Variants in UNC13C observed in about 807,000 individuals in gnomAD.
UNC13C encodes unc-13 homolog C.
Under a neutral mutation model 245.4 loss-of-function variants are expected in UNC13C, and 174 were observed. That is an observed-to-expected ratio of 0.71 (90% CI 0.63 to 0.80). The LOEUF (loss-of-function observed/expected upper bound fraction) is 0.80, where lower values mean the gene tolerates loss of function less well. UNC13C is among the 30% of genes least tolerant of loss of function. The probability of loss-of-function intolerance (pLI) is 0.00; values close to 1 mark genes in which losing one functional copy is unlikely to be tolerated. For synonymous variants in UNC13C, 992 were observed against 895.1 expected (o/e 1.11, Z -1.93); for missense variants, 2,829 against 2,602.9 (o/e 1.09, Z -1.89).
At chr15:54,211,262 C>A (rs149757254) in intron 4 of UNC13C, among the ~76,000 whole-genome samples, 2 of 152,106 alleles carry the variant, frequency 1.3e-5, no homozygotes, top group African/African-American at 4.8e-5. Context: ...TCAAATATTT[C>A]TATAAATGTT....
chr15:53,897,251 A>G, the UNC13C span, among the ~76,000 whole-genome samples: 24 of 152,344 alleles, frequency 1.6e-4, no homozygotes, highest in African/African-American at 5.3e-4. Context: ...AATCAAGCTC[A>G]TTGAATAAAT....
chr15:54,354,885 A>G (rs2039059335), intron 17 of UNC13C, among the ~76,000 whole-genome samples: 1 of 152,212 alleles, frequency 6.6e-6, no homozygotes, highest in Non-Finnish European at 1.5e-5. Flanking sequence ...ATGTGGCAGT[A>G]TTGACAGATG....
chr15:54,352,124 G>A (rs923317179), intron 17 of UNC13C, among the ~76,000 whole-genome samples: 1 of 151,496 alleles, frequency 6.6e-6, no homozygotes, highest in African/African-American at 2.4e-5. Flanking sequence ...CAAGAGGTCA[G>A]GAACTCTAAT....
At chr15:53,869,403 T>C in the UNC13C span, among the ~76,000 whole-genome samples, 2 of 138,644 alleles carry the variant, frequency 1.4e-5, no homozygotes, top group South Asian at 5.1e-4. Flanking sequence ...ATCATTAATA[T>C]TTTACTCCAC....
intron 26 of UNC13C, among the ~76,000 whole-genome samples, chr15:54,545,888 C>T (rs931486036): frequency 3.9e-5 from 6 of 152,014 alleles, no homozygotes; most frequent in African/African-American, 9.7e-5. Context: ...TAAATTAGTT[C>T]GACCATTTTG....
At chr15:54,348,004 A>G (rs192555210) in intron 17 of UNC13C, among the ~76,000 whole-genome samples, 3 of 152,280 alleles carry the variant, frequency 2.0e-5, no homozygotes, top group East Asian at 3.9e-4. Flanking sequence ...TTATTGTTGT[A>G]TATACTAATT....
At chr15:54,291,240 G>C (rs1567164082) in intron 10 of UNC13C, among the ~76,000 whole-genome samples, 1 of 151,976 alleles carries the variant, frequency 6.6e-6, no homozygotes, top group Non-Finnish European at 1.5e-5. Context: ...GGAGACAGCT[G>C]TGCTCTTACT....
Position 54,264,192 on chromosome 15 carries a change from A to T in UNC13C, c.3473A>T (p.His1158Leu). 1 of 1,584,004 alleles carries T rather than the reference A, an allele frequency of 6.3e-7. No individual in the cohort carries two copies. Among genetic ancestry groups the T allele is most frequent in the South Asian group, 1.2e-5 (1 of 86,244 alleles). ...LQRAAEKSSK[H>L]GAEDKTQTII... ...GGAGCAGCAGAAAAGAGTTCTAAACATGGTGCCGAAGACAAGACTCAGACC... is the reference window on the plus strand; with the variant it reads ...GGAGCAGCAGAAAAGAGTTCTAAACTTGGTGCCGAAGACAAGACTCAGACC... Residue 1158 changes from histidine (H) to leucine (L), a missense_variant, in exon 9 of 33, where the codon CAT (histidine) becomes CTT (leucine). Transcript: ENST00000260323.
intron 11 of UNC13C, among the ~76,000 whole-genome samples, chr15:54,294,293 C>T (rs984591296): frequency 1.6e-4 from 25 of 152,028 alleles, no homozygotes; most frequent in African/African-American, 6.0e-4. Flanking sequence ...CAAGAACTAC[C>T]TAGATGTCTT....
At chr15:54,087,014 G>A (rs1242538883) in intron 2 of UNC13C, among the ~76,000 whole-genome samples, 15 of 151,880 alleles carry the variant, frequency 9.9e-5, no homozygotes, top group Admixed American at 6.6e-4. Context: ...GATTACAGAC[G>A]TGAGCCACTG....
At chr15:54,028,344 C>T (rs896914523) in intron 2 of UNC13C, among the ~76,000 whole-genome samples, 2 of 152,202 alleles carry the variant, frequency 1.3e-5, no homozygotes, top group Admixed American at 6.5e-5. Context: ...CATTGAACAT[C>T]GGACAACAAT....
At chr15:54,080,402 C>A (rs1299268642) in intron 2 of UNC13C, among the ~76,000 whole-genome samples, 1 of 151,952 alleles carries the variant, frequency 6.6e-6, no homozygotes, top group African/African-American at 2.4e-5. Context: ...TTGGTATCAG[C>A]TCTTCTTTGT....
At chr15:54,563,329 C>T (rs949629729) in intron 29 of UNC13C, among the ~76,000 whole-genome samples, 3 of 151,984 alleles carry the variant, frequency 2.0e-5, no homozygotes, top group African/African-American at 7.2e-5. Flanking sequence ...GAATGTCATC[C>T]AGCTAATGTC....
At chr15:54,005,256 T>C (rs566915446) in intron 1 of UNC13C, among the ~76,000 whole-genome samples, 2 of 152,332 alleles carry the variant, frequency 1.3e-5, no homozygotes, top group South Asian at 4.1e-4. Context: ...GTATAGATTA[T>C]TCTTGAGTAG....
chr15:53,907,693 T>C, the UNC13C span, among the ~76,000 whole-genome samples: 127 of 152,212 alleles, frequency 8.3e-4, no homozygotes, highest in Non-Finnish European at 1.7e-3. Flanking sequence ...TTATGAACTT[T>C]ATAAATAAAA....
At chr15:54,080,146 A>G (rs1310536161) in intron 2 of UNC13C, among the ~76,000 whole-genome samples, 1 of 151,940 alleles carries the variant, frequency 6.6e-6, no homozygotes, top group Non-Finnish European at 1.5e-5. Flanking sequence ...ATGTTGAATC[A>G]TCCTTGCATC....
At chr15:53,942,462 T>C in the UNC13C span, among the ~76,000 whole-genome samples, 1 of 151,946 alleles carries the variant, frequency 6.6e-6, no homozygotes, top group Non-Finnish European at 1.5e-5. Context: ...GCTTAATACC[T>C]ATGTGATAGG....
the UNC13C span, among the ~76,000 whole-genome samples, chr15:53,922,796 T>C: frequency 6.6e-6 from 1 of 152,220 alleles, no homozygotes; most frequent in South Asian, 2.1e-4. Context: ...AGTGATTAAC[T>C]GTGATTTTTA....
chr15:54,601,140 T>C (rs542045992), intron 30 of UNC13C, among the ~76,000 whole-genome samples: 1 of 152,344 alleles, frequency 6.6e-6, no homozygotes, highest in South Asian at 2.1e-4. Context: ...AACCCCTACA[T>C]TCTCACAATT....
Sources: allele counts gnomAD v4.1 joint callset (sites outside exome capture counted in the v4.1 genomes callset), GRCh38; gene constraint gnomAD v4.1.1; transcripts MANE v1.5; gene names NCBI Gene and HGNC (gene_info 2026-07-23, HGNC 2026-07-21).